The following DTNA variants were observed in gnomAD, a reference collection of about 807,000 sequenced individuals.
DTNA encodes dystrobrevin alpha.
Under a neutral mutation model 100.7 loss-of-function variants are expected in DTNA, and 43 were observed. The ratio of observed to expected loss-of-function variants is 0.43; its 90% CI spans 0.33 to 0.55. The LOEUF is 0.55. Ranked by LOEUF, DTNA falls within the 20% of genes least tolerant of loss-of-function variation. The pLI is 0.04. For synonymous variants in DTNA, 349 were observed against 347.9 expected, an observed-to-expected ratio of 1.00 and a Z score of -0.04; for missense variants, 798 against 953.9, an observed-to-expected ratio of 0.84 and a Z score of 2.15.
At chr18:34,633,345 G>A (rs1017804092) in intron 1 of DTNA, among the ~76,000 whole-genome samples, 2 of 151,862 alleles carry the variant, frequency 1.3e-5, no homozygotes, top group Non-Finnish European at 2.9e-5. Context: ...AGACATCAAG[G>A]AAAACATAAA....
chr18:34,801,513 CT>C (rs555362184), intron 4 of DTNA, among the ~76,000 whole-genome samples: 15,588 of 140,260 alleles, frequency 0.11, 749 homozygotes, highest in African/African-American at 0.13. Flanking sequence ...AATAAAATAA[CT>C]TTTTTTTTTT....
chr18:34,689,334 A>ATT (rs149772169), intron 1 of DTNA, among the ~76,000 whole-genome samples: 3 of 151,742 alleles, frequency 2.0e-5, no homozygotes, highest in African/African-American at 7.3e-5. Flanking sequence ...TTGGGTGGTC[A>ATT]TTTTTTTGTT....
At chr18:34,756,294 A>G (rs2092764690) in intron 2 of DTNA, among the ~76,000 whole-genome samples, 1 of 152,220 alleles carries the variant, frequency 6.6e-6, no homozygotes, top group Non-Finnish European at 1.5e-5. Context: ...ATATATTTAC[A>G]TTCACACATA....
chr18:34,750,533 A>G (rs148520802), intron 1 of DTNA, among the ~76,000 whole-genome samples: 1 of 152,192 alleles, frequency 6.6e-6, no homozygotes, highest in Admixed American at 6.5e-5. Context: ...TTACTGGTGA[A>G]TGGAATCTAT....
intron 1 of DTNA, among the ~76,000 whole-genome samples, chr18:34,501,213 T>C (rs887039135): frequency 6.6e-6 from 1 of 152,234 alleles, no homozygotes; most frequent in African/African-American, 2.4e-5. Flanking sequence ...CACCAAATGA[T>C]GTGATCATAT....
At chr18:34,741,031 T>A (rs1032769832) in intron 1 of DTNA, among the ~76,000 whole-genome samples, 3 of 152,226 alleles carry the variant, frequency 2.0e-5, no homozygotes, top group African/African-American at 7.2e-5. Flanking sequence ...GGTGGAATTA[T>A]AATACAAAAA....
At chr18:34,751,284 C>T (rs1225030708) in intron 1 of DTNA, among the ~76,000 whole-genome samples, 2 of 152,246 alleles carry the variant, frequency 1.3e-5, no homozygotes, top group African/African-American at 4.8e-5. Flanking sequence ...GAGTCTCACT[C>T]CTGAAACACA....
chr18:34,510,084 T>TGTGTGTGA (rs2040890321), intron 1 of DTNA, among the ~76,000 whole-genome samples: 1 of 150,488 alleles, frequency 6.6e-6, no homozygotes, highest in Non-Finnish European at 1.5e-5. Flanking sequence ...TGTGTGTGTG[T>TGTGTGTGA]GTGTGTGTGG....
At chr18:34,802,905 T>A (rs766204197) in intron 4 of DTNA, among the ~76,000 whole-genome samples, 4 of 152,194 alleles carry the variant, frequency 2.6e-5, no homozygotes, top group African/African-American at 9.6e-5. Flanking sequence ...AAGCTGATAT[T>A]TTTTAAAGGC....
At chr18:34,654,602 A>G (rs904830042) in intron 1 of DTNA, among the ~76,000 whole-genome samples, 7 of 152,178 alleles carry the variant, frequency 4.6e-5, no homozygotes, top group African/African-American at 1.4e-4. Context: ...CTAAAAACAT[A>G]CCTCATATGG....
chr18:34,774,326 G>T (rs1049226992), intron 3 of DTNA, among the ~76,000 whole-genome samples: 3 of 152,228 alleles, frequency 2.0e-5, no homozygotes, highest in Non-Finnish European at 4.4e-5. Context: ...TTCTCCCACT[G>T]CCTGGCTCCC....
chr18:34,799,563 G>C (rs1210035607), intron 4 of DTNA, among the ~76,000 whole-genome samples: 2 of 152,164 alleles, frequency 1.3e-5, no homozygotes. Flanking sequence ...GCCAAGACTA[G>C]ATATTTAAAA....
intron 1 of DTNA, among the ~76,000 whole-genome samples, chr18:34,495,492 C>T (rs906820199): frequency 6.6e-6 from 1 of 152,184 alleles, no homozygotes; most frequent in Non-Finnish European, 1.5e-5. Context: ...GGTTATTAGT[C>T]TGTTCTTTGT....
chr18:34,529,386 C>T (rs2042935816), intron 1 of DTNA, among the ~76,000 whole-genome samples: 1 of 151,840 alleles, frequency 6.6e-6, no homozygotes, highest in Admixed American at 6.6e-5. Flanking sequence ...AAGTTGAAGA[C>T]AGTATAATGG....
chr18:34,634,262 T>C (rs1467890285), intron 1 of DTNA, among the ~76,000 whole-genome samples: 1 of 152,198 alleles, frequency 6.6e-6, no homozygotes, highest in Non-Finnish European at 1.5e-5. Flanking sequence ...GCCTTCAAGC[T>C]TGTAAAAATT....
intron 1 of DTNA, among the ~76,000 whole-genome samples, chr18:34,753,854 ACTT>A (rs2092581978): frequency 1.3e-5 from 2 of 152,176 alleles, no homozygotes; most frequent in South Asian, 4.1e-4. Context: ...TTATCTACCC[ACTT>A]CTTCTGAAAT....
intron 1 of DTNA, among the ~76,000 whole-genome samples, chr18:34,509,574 C>A (rs1204014739): frequency 2.6e-5 from 4 of 151,758 alleles, no homozygotes; most frequent in African/African-American, 9.7e-5. Flanking sequence ...ATGCTAAATA[C>A]CCTTTAGGAA....
chr18:34,731,725 G>C (rs1011578334), intron 1 of DTNA, among the ~76,000 whole-genome samples: 1 of 152,160 alleles, frequency 6.6e-6, no homozygotes, highest in Non-Finnish European at 1.5e-5. Context: ...GGCAGAAACT[G>C]TTTCTGTCTT....
chr18:34,873,724 C>A (rs993947720), intron 17 of DTNA, among the ~76,000 whole-genome samples: 1 of 152,164 alleles, frequency 6.6e-6, no homozygotes, highest in Non-Finnish European at 1.5e-5. Flanking sequence ...TAAGGCACAA[C>A]GCAAATGTGA....
Sources: allele counts gnomAD v4.1 joint callset (sites outside exome capture counted in the v4.1 genomes callset), GRCh38; gene constraint gnomAD v4.1.1; transcripts MANE v1.5; gene names NCBI Gene and HGNC (gene_info 2026-07-23, HGNC 2026-07-21).